Variants in GRID2 observed in about 807,000 individuals in gnomAD.
GRID2 encodes the protein glutamate ionotropic receptor delta type subunit 2.
A neutral mutation model predicts 114.8 loss-of-function variants in GRID2; 33 were observed. The observed-to-expected ratio is 0.29, with a 90% confidence interval of 0.22 to 0.38. GRID2 has a LOEUF of 0.38. Among genes scored for constraint, GRID2 ranks in the 10% least tolerant of loss-of-function variants. GRID2 has a pLI of 1.00. For synonymous variants in GRID2, 505 were observed against 449.9 expected (o/e 1.12, Z -1.55); for missense variants, 1,184 against 1,257.7 (o/e 0.94, Z 0.89).
At chr4:92,870,359 A>G (rs1196615378) in intron 2 of GRID2, among the ~76,000 whole-genome samples, 1 of 152,056 alleles carries the variant, frequency 6.6e-6, no homozygotes, top group Non-Finnish European at 1.5e-5. Context: ...CTCCATAAGG[A>G]CAGCACTTTT....
chr4:92,912,734 C>A (rs375527339), intron 2 of GRID2, among the ~76,000 whole-genome samples: 26 of 151,676 alleles, frequency 1.7e-4, no homozygotes, highest in African/African-American at 6.0e-4. Flanking sequence ...ATAGAGATGT[C>A]GAAAACAAAC....
At chr4:92,421,243 T>C (rs1271372887) in intron 1 of GRID2, among the ~76,000 whole-genome samples, 2 of 152,064 alleles carry the variant, frequency 1.3e-5, no homozygotes, top group Admixed American at 6.6e-5. Context: ...GTACGGACTG[T>C]TTTATATTTA....
In GRID2 at chr4:92,349,567, TA is replaced by T. The variant is rs202209315; in HGVS notation, c.88+44827del. ...TTTAAAACATATTTTATTTTTAAAA[TA>T]AAATGAAATTTAAAATATTTTATAA... On this transcript the variant is annotated intron_variant, in intron 1 of 15. Transcript: ENST00000282020. Among the ~76,000 whole-genome samples, 1,429 of 151,622 alleles carry T rather than the reference TA, an allele frequency of 9.4e-3. 11 individuals are homozygous for T. The highest frequency in any genetic ancestry group is 0.032 in the African/African-American group (1,346 of 41,484).
intron 2 of GRID2, among the ~76,000 whole-genome samples, chr4:92,698,551 C>T (rs910245359): frequency 7.3e-5 from 11 of 151,424 alleles, no homozygotes; most frequent in Admixed American, 6.6e-5. Flanking sequence ...AATATATGCT[C>T]TTTATGGATT....
In GRID2 at chr4:93,591,308, T is replaced by G. The variant is rs1182889109; in HGVS notation, c.2194-34961T>G. On this transcript the variant is annotated intron_variant, in intron 13 of 15. Coordinates refer to ENST00000282020, the MANE Select transcript of GRID2 (RefSeq NM_001510.4). ...CAAAGGCCTTTTCTGCATCTATTGA[T>G]ATAATCATGTGGTTTTTGTCTTTGG... Among the ~76,000 whole-genome samples, 243 of 151,894 alleles carry G rather than the reference T, an allele frequency of 1.6e-3. 2 individuals carry two copies. The East Asian group carries it at 0.041, about 26-fold the overall frequency.
chr4:93,675,838 G>A (rs566626882), intron 14 of GRID2, among the ~76,000 whole-genome samples: 1 of 152,256 alleles, frequency 6.6e-6, no homozygotes, highest in South Asian at 2.1e-4. Context: ...CAAAGTAAAA[G>A]CATTATAGTG....
At chr4:93,210,214 T>C (rs181306432) in intron 5 of GRID2, among the ~76,000 whole-genome samples, 3 of 152,240 alleles carry the variant, frequency 2.0e-5, no homozygotes, top group Admixed American at 2.0e-4. Context: ...TTTATAGTTA[T>C]GGGTTTTACA....
intron 2 of GRID2, among the ~76,000 whole-genome samples, chr4:92,783,695 C>A (rs1739189944): frequency 6.6e-6 from 1 of 151,984 alleles, no homozygotes; most frequent in Non-Finnish European, 1.5e-5. Flanking sequence ...CCAGCCTAGG[C>A]AACAAAGTGA....
At chr4:93,528,272 T>G (rs1731115558) in intron 13 of GRID2, among the ~76,000 whole-genome samples, 1 of 152,112 alleles carries the variant, frequency 6.6e-6, no homozygotes, top group Non-Finnish European at 1.5e-5. Context: ...ATAATGGCTC[T>G]CAATTATCTT....
intron 2 of GRID2, among the ~76,000 whole-genome samples, chr4:92,896,283 C>T (rs911494264): frequency 2.0e-5 from 3 of 152,082 alleles, no homozygotes; most frequent in African/African-American, 7.2e-5. Flanking sequence ...TTGTATTCAA[C>T]GTGATTTCTT....
chr4:93,244,726 A>G (rs1748003533), intron 8 of GRID2, among the ~76,000 whole-genome samples: 1 of 150,780 alleles, frequency 6.6e-6, no homozygotes, highest in Non-Finnish European at 1.5e-5. Context: ...AAAATCTTTA[A>G]TTGCTTTGTA....
At chr4:92,307,845 CTTTTGACAT>C (rs1457667924) in intron 1 of GRID2, among the ~76,000 whole-genome samples, 1 of 152,118 alleles carries the variant, frequency 6.6e-6, no homozygotes, top group African/African-American at 2.4e-5. Flanking sequence ...AAAGAAAGGT[CTTTTGACAT>C]ATAAAAACTA....
At chr4:93,804,747 C>T (rs1734998561) in intron 1 of GRID2, among the ~76,000 whole-genome samples, 1 of 152,094 alleles carries the variant, frequency 6.6e-6, no homozygotes, top group South Asian at 2.1e-4. Flanking sequence ...GTCACAGGGC[C>T]CCTCAAGTAA....
chr4:92,573,122 A>G (rs1219378350), intron 1 of GRID2, among the ~76,000 whole-genome samples: 1 of 152,060 alleles, frequency 6.6e-6, no homozygotes, highest in African/African-American at 2.4e-5. Flanking sequence ...ACGTGTTTAT[A>G]GTATCCTCTG....
At chr4:92,872,344 A>G (rs546078461) in intron 2 of GRID2, among the ~76,000 whole-genome samples, 163 of 152,306 alleles carry the variant, frequency 1.1e-3, no homozygotes, top group Non-Finnish European at 1.3e-3. Context: ...TTCCAATTTC[A>G]TCTTAGAAAA....
rs77436202 is a variant in GRID2 at position 93,209,433 on chromosome 4, T to A, written c.789+1976T>A. ...ATTTCTGCGAAGGACATATCATTCC[T>A]TTTTTGTGATTGCACAGTATTCCAC... On this transcript the variant is annotated intron_variant, in intron 5 of 15. Transcript: ENST00000282020. Among the ~76,000 whole-genome samples, 748 of 152,222 alleles carry A rather than the reference T, an allele frequency of 4.9e-3. 7 individuals carry two copies. Among genetic ancestry groups the A allele is most frequent in the African/African-American group, 0.017 (722 of 41,562 alleles).
intron 2 of GRID2, among the ~76,000 whole-genome samples, chr4:92,824,290 A>G (rs1741525321): frequency 6.6e-6 from 1 of 152,128 alleles, no homozygotes; most frequent in African/African-American, 2.4e-5. Flanking sequence ...GTGTATTTGA[A>G]AAATATATGA....
chr4:93,298,024 A>C (rs554450300), intron 8 of GRID2, among the ~76,000 whole-genome samples: 14 of 152,252 alleles, frequency 9.2e-5, no homozygotes, highest in Admixed American at 7.8e-4. Context: ...CCCTTATCTA[A>C]TTACCTTCTT....
chr4:93,700,214 G>T (rs549448502), intron 14 of GRID2, among the ~76,000 whole-genome samples: 1 of 152,100 alleles, frequency 6.6e-6, no homozygotes, highest in Non-Finnish European at 1.5e-5. Context: ...TACAGAGCAG[G>T]TTTTTCCTGA....
Sources: gnomAD v4.1 joint callset for allele counts (sites outside exome capture counted in the v4.1 genomes callset) on GRCh38, gnomAD v4.1.1 for gene constraint, MANE v1.5 for transcripts, NCBI Gene and HGNC (gene_info 2026-07-23, HGNC 2026-07-21) for gene names.